ARHGEF9: variants seen among roughly 807,000 people sequenced by gnomAD.
ARHGEF9 encodes the protein rho guanine nucleotide exchange factor 9.
A neutral mutation model predicts 41.3 loss-of-function variants in ARHGEF9; 2 were observed. That is an observed-to-expected ratio of 0.05 (90% CI 0.02 to 0.15). The LOEUF is 0.15. ARHGEF9 is among the 10% of genes least tolerant of loss of function. The pLI, the probability that ARHGEF9 is intolerant of heterozygous loss-of-function variation, is 1.00. For missense variants in ARHGEF9, 225 were observed against 424.7 expected (o/e 0.53, Z 4.13); for synonymous variants, 160 against 154.4 (o/e 1.04, Z -0.27).
chrX:63,697,805 A>G (rs1327729747), intron 3 of ARHGEF9, among the ~76,000 whole-genome samples: 1 of 111,923 alleles, frequency 8.9e-6, no homozygotes, highest in Admixed American at 9.5e-5. Flanking sequence ...TTCCTCATGA[A>G]CTTTAATGTC....
At position 63,706,417 on chromosome X, in the gene ARHGEF9, C is replaced by T. The variant is rs782304542; in HGVS notation, c.243G>A (p.Glu81=). 8.3e-7 allele frequency: 1 copy of T among 1,207,530 alleles called. No homozygotes were observed. The highest frequency in any genetic ancestry group is 1.7e-5 in the African/African-American group (1 of 57,639). Residue 81 remains glutamate (E), a synonymous_variant, in exon 3 of 10, where the codon GAG becomes GAA. Transcript: ENST00000671741. The part of the protein sequence containing the change: ...LWVNQEDEVE[E]GPSDVQNGHL... Reference sequence around the variant, plus strand: ...GTCCGTTCTGCACATCGCTGGGCCCCTCCTCCACCTCATCCTCCTGGTTCA... The same window carrying T: ...GTCCGTTCTGCACATCGCTGGGCCCTTCCTCCACCTCATCCTCCTGGTTCA...
chrX:63,765,251 T>C (rs1487901643), intron 1 of ARHGEF9, among the ~76,000 whole-genome samples: 3 of 111,096 alleles, frequency 2.7e-5, no homozygotes, highest in African/African-American at 9.8e-5. Context: ...TCCATGTAAC[T>C]GTTCCTATTT....
At chrX:63,688,724 C>T (rs1556378363) in intron 4 of ARHGEF9, among the ~76,000 whole-genome samples, 1 of 111,429 alleles carries the variant, frequency 9.0e-6, no homozygotes, top group African/African-American at 3.3e-5. Flanking sequence ...GAGCCGAGAT[C>T]GTGCCACTGC....
chrX:63,720,758 T>C (rs1192757297), intron 2 of ARHGEF9, among the ~76,000 whole-genome samples: 2 of 112,440 alleles, frequency 1.8e-5, no homozygotes, highest in Non-Finnish European at 3.8e-5. Context: ...GCTGGGTCCT[T>C]GGGAGATAAT....
At chrX:63,776,025 T>G (rs1455531117) in intron 1 of ARHGEF9, among the ~76,000 whole-genome samples, 4 of 111,012 alleles carry the variant, frequency 3.6e-5, no homozygotes, top group African/African-American at 1.3e-4. Context: ...CTAAGCTGCT[T>G]GAAGACATAA....
chrX:63,730,966 G>C (rs2054248680), intron 1 of ARHGEF9, among the ~76,000 whole-genome samples: 1 of 112,099 alleles, frequency 8.9e-6, no homozygotes, highest in African/African-American at 3.2e-5. Context: ...TAGTTCAACA[G>C]CACCACCCCC....
chrX:63,670,682 A>T (rs2049898924), intron 6 of ARHGEF9, among the ~76,000 whole-genome samples: 1 of 111,965 alleles, frequency 8.9e-6, no homozygotes, highest in African/African-American at 3.3e-5. Context: ...ATTTCCCAGA[A>T]ACTGCAGTCC....
rs781992850 is a variant in ARHGEF9, at chrX:63,697,903, A to T, written c.403-599T>A. Among the ~76,000 whole-genome samples the T allele has an allele frequency of 5.6e-4, 62 of 111,106 alleles. 1 individual carries two copies. The East Asian group carries it at 0.014, about 25-fold the overall frequency. On this transcript the variant is annotated intron_variant, in intron 3 of 9. Transcript: ENST00000671741. ...GTACACATACAATATTTTCTTAGAC[A>T]TTCATGTCTTCACATACTTTAAGAA... is the stretch of plus-strand genomic sequence containing the variant.
At chrX:63,654,942 C>T (rs1229705155) in intron 8 of ARHGEF9, among the ~76,000 whole-genome samples, 1 of 112,152 alleles carries the variant, frequency 8.9e-6, no homozygotes, top group African/African-American at 3.2e-5. Flanking sequence ...AGAGAAACAA[C>T]TTATTGTAAG....
intron 6 of ARHGEF9, among the ~76,000 whole-genome samples, chrX:63,667,701 C>T (rs1320163752): frequency 9.1e-6 from 1 of 110,452 alleles, no homozygotes; most frequent in Non-Finnish European, 1.9e-5. Context: ...AATAATAGAA[C>T]CCCCCACCCC....
chrX:63,710,962 T>A (rs2052896441), intron 2 of ARHGEF9, among the ~76,000 whole-genome samples: 1 of 111,498 alleles, frequency 9.0e-6, no homozygotes, highest in African/African-American at 3.3e-5. Flanking sequence ...CCTTTTATAA[T>A]GAATAAATAA....
At chrX:63,724,414 A>G (rs1490519630) in intron 2 of ARHGEF9, 118 bp downstream of exon 2, 1 of 867,136 alleles carries the variant, frequency 1.2e-6, no homozygotes, top group African/African-American at 2.1e-5. Context: ...AAAAAAAGGA[A>G]AAAAATATGA....
intron 1 of ARHGEF9, among the ~76,000 whole-genome samples, chrX:63,732,822 T>G (rs1485581219): frequency 8.9e-6 from 1 of 111,772 alleles, no homozygotes; most frequent in Non-Finnish European, 1.9e-5. Flanking sequence ...AAAATAATGA[T>G]CAATCCTACT....
intron 7 of ARHGEF9, among the ~76,000 whole-genome samples, chrX:63,659,439 T>C (rs1218740032): frequency 4.5e-5 from 5 of 112,149 alleles, no homozygotes; most frequent in Non-Finnish European, 7.5e-5. Flanking sequence ...TCCTTTTTCC[T>C]TGTGCTCGTC....
At chrX:63,710,309 A>AC (rs1556405990) in intron 2 of ARHGEF9, among the ~76,000 whole-genome samples, 1 of 107,377 alleles carries the variant, frequency 9.3e-6, no homozygotes, top group African/African-American at 3.4e-5. Flanking sequence ...AAAAAAAAAA[A>AC]AAAAAAAAAA....
chrX:63,644,084 AACAC>A (rs1488076017), intron 8 of ARHGEF9, 36 bp from the exon 9 acceptor site: 1 of 1,070,604 alleles, frequency 9.3e-7, no homozygotes, highest in African/African-American at 1.8e-5. Flanking sequence ...TTAAATGAGA[AACAC>A]ACACCCTTAC....
intron 1 of ARHGEF9, among the ~76,000 whole-genome samples, chrX:63,744,416 G>A (rs2055142320): frequency 8.9e-6 from 1 of 111,987 alleles, no homozygotes; most frequent in Non-Finnish European, 1.9e-5. Context: ...TCTGGACCTA[G>A]TTCCCCAGCT....
intron 9 of ARHGEF9, chrX:63,640,756 A>G (rs1163244700): frequency 9.0e-6 from 1 of 111,656 alleles, no homozygotes; most frequent in Non-Finnish European, 1.9e-5. Context: ...GGAAAGGGAC[A>G]TTAGAGTAGT....
intron 1 of ARHGEF9, among the ~76,000 whole-genome samples, chrX:63,734,175 G>C (rs1313055390): frequency 9.0e-6 from 1 of 111,702 alleles, no homozygotes; most frequent in African/African-American, 3.3e-5. Context: ...TTAAGAACTT[G>C]GTCTTGTTTA....
Sources: gnomAD v4.1 joint callset for allele counts (sites outside exome capture counted in the v4.1 genomes callset) on GRCh38, gnomAD v4.1.1 for gene constraint, MANE v1.5 for transcripts, NCBI Gene and HGNC (gene_info 2026-07-23, HGNC 2026-07-21) for gene names.